The following CSMD3 variants were observed in gnomAD, a reference collection of about 807,000 sequenced individuals.
The protein encoded by CSMD3 is CUB and Sushi multiple domains 3.
A neutral mutation model predicts 435.2 loss-of-function variants in CSMD3; 177 were observed. The observed-to-expected ratio is 0.41, with a 90% CI of 0.36 to 0.46. The LOEUF (loss-of-function observed/expected upper bound fraction) is 0.46. CSMD3 is among the 20% of genes least tolerant of loss of function. The pLI, the probability that CSMD3 is intolerant of heterozygous loss-of-function variation, is 0.34. For missense variants in CSMD3, 4,265 were observed against 4,504.6 expected (o/e 0.95, Z 1.52); for synonymous variants, 1,656 against 1,520.5 (o/e 1.09, Z -2.07).
chr8:113,324,297 C>T (rs555848276), intron 1 of CSMD3, among the ~76,000 whole-genome samples: 1 of 152,302 alleles, frequency 6.6e-6, no homozygotes, highest in South Asian at 2.1e-4. Flanking sequence ...ACGGCAGCCC[C>T]TCCCATTACA....
At chr8:113,313,024 A>G (rs1395294770) in intron 2 of CSMD3, 3 of 152,186 alleles carry the variant, frequency 2.0e-5, no homozygotes, top group Non-Finnish European at 4.4e-5. Context: ...TAACTCAGGC[A>G]TTTTTAAGTG....
chr8:113,153,122 A>AGAAAGG (rs1491549612), intron 4 of CSMD3, among the ~76,000 whole-genome samples: 2 of 103,002 alleles, frequency 1.9e-5, no homozygotes, highest in African/African-American at 4.4e-5. Context: ...AGAAAGAAAG[A>AGAAAGG]AAGAGAAAGA....
chr8:113,262,309 T>C (rs929279723), intron 3 of CSMD3, among the ~76,000 whole-genome samples: 3 of 152,066 alleles, frequency 2.0e-5, no homozygotes, highest in African/African-American at 2.4e-5. Flanking sequence ...GCAAAGTACA[T>C]TATGTTGATT....
chr8:112,705,386 C>T (rs1209964304), intron 13 of CSMD3, among the ~76,000 whole-genome samples: 1 of 152,074 alleles, frequency 6.6e-6, no homozygotes, highest in Non-Finnish European at 1.5e-5. Context: ...GTTAATGCCC[C>T]AGCCCAAACC....
rs746607992 is a variant in CSMD3, at chr8:113,235,182, AT to A, written c.514+43409del. Among the ~76,000 whole-genome samples the A allele has an allele frequency of 8.5e-4, 129 of 152,188 alleles. 1 individual carries two copies. The highest frequency in any genetic ancestry group is 1.4e-3 in the Non-Finnish European group (95 of 67,992). On this transcript the variant is annotated intron_variant, in intron 3 of 70. Transcript: ENST00000297405. ...AGTCATTTAAATTAACACACTAGTA[AT>A]GTTTAGTAGAGATGCATTTAGGCAT...
intron 19 of CSMD3, among the ~76,000 whole-genome samples, chr8:112,647,241 A>C (rs879566079): frequency 6.6e-6 from 1 of 152,158 alleles, no homozygotes; most frequent in African/African-American, 2.4e-5. Flanking sequence ...ATATATAAAA[A>C]AAATTCAAGG....
intron 1 of CSMD3, among the ~76,000 whole-genome samples, chr8:113,339,908 A>C (rs938533600): frequency 6.6e-6 from 1 of 152,010 alleles, no homozygotes; most frequent in African/African-American, 2.4e-5. Flanking sequence ...TTTATCTGCT[A>C]TTAGCATAGA....
intron 1 of CSMD3, among the ~76,000 whole-genome samples, chr8:113,427,494 A>C (rs2094642780): frequency 1.3e-5 from 2 of 150,906 alleles, no homozygotes; most frequent in African/African-American, 4.9e-5. Context: ...TCTAAAAAAA[A>C]AAAAAAGAGG....
intron 38 of CSMD3, among the ~76,000 whole-genome samples, chr8:112,359,303 G>A (rs974450397): frequency 3.9e-5 from 6 of 152,058 alleles, no homozygotes; most frequent in Non-Finnish European, 8.8e-5. Flanking sequence ...ATTTCTCTCT[G>A]ATAGATATTC....
At chr8:112,385,031 T>C (rs1829807210) in intron 36 of CSMD3, among the ~76,000 whole-genome samples, 1 of 152,150 alleles carries the variant, frequency 6.6e-6, no homozygotes, top group Admixed American at 6.5e-5. Flanking sequence ...AACCATAAGC[T>C]AGATTTAGTG....
intron 3 of CSMD3, among the ~76,000 whole-genome samples, chr8:113,235,283 T>C (rs575295680): frequency 2.6e-5 from 4 of 152,242 alleles, no homozygotes; most frequent in African/African-American, 9.6e-5. Context: ...TACCTTCCTG[T>C]ACCTGGTGGA....
intron 5 of CSMD3, among the ~76,000 whole-genome samples, chr8:113,031,223 A>G (rs2087094759): frequency 6.6e-6 from 1 of 151,726 alleles, no homozygotes; most frequent in African/African-American, 2.4e-5. Flanking sequence ...TACTTATAAT[A>G]GCCCAAACTT....
intron 13 of CSMD3, among the ~76,000 whole-genome samples, chr8:112,695,644 T>C (rs1403085480): frequency 6.6e-6 from 1 of 152,168 alleles, no homozygotes; most frequent in Non-Finnish European, 1.5e-5. Context: ...GGGCAAAAAC[T>C]GGAAGTATTC....
At chr8:112,565,468 A>C (rs1828986521) in intron 24 of CSMD3, among the ~76,000 whole-genome samples, 1 of 152,146 alleles carries the variant, frequency 6.6e-6, no homozygotes, top group Non-Finnish European at 1.5e-5. Flanking sequence ...AAAGCATCAC[A>C]AATTAGTTAA....
intron 6 of CSMD3, among the ~76,000 whole-genome samples, chr8:112,990,881 A>C (rs568604495): frequency 6.6e-6 from 1 of 152,004 alleles, no homozygotes; most frequent in South Asian, 2.1e-4. Context: ...TTCCCTTCTG[A>C]AAACCAAATG....
chr8:112,438,479 G>A (rs1814624230), intron 32 of CSMD3, among the ~76,000 whole-genome samples: 1 of 152,174 alleles, frequency 6.6e-6, no homozygotes, highest in Non-Finnish European at 1.5e-5. Flanking sequence ...GCTGACATTA[G>A]TACTAATTTC....
chr8:112,783,699 C>T (rs1563957047), intron 13 of CSMD3, among the ~76,000 whole-genome samples: 2 of 151,834 alleles, frequency 1.3e-5, no homozygotes, highest in African/African-American at 2.4e-5. Flanking sequence ...AGAAGAAACA[C>T]ACTTCACTTA....
chr8:112,445,953 A>G (rs1207010295), intron 32 of CSMD3, among the ~76,000 whole-genome samples: 1 of 152,240 alleles, frequency 6.6e-6, no homozygotes, highest in Non-Finnish European at 1.5e-5. Flanking sequence ...TTTTGTAAAC[A>G]GAGCATATAT....
chr8:112,727,811 G>T (rs894304207), intron 13 of CSMD3, among the ~76,000 whole-genome samples: 4 of 151,590 alleles, frequency 2.6e-5, no homozygotes, highest in African/African-American at 9.7e-5. Context: ...AATACTGTCG[G>T]ATTCTAAATG....
Sources: allele counts gnomAD v4.1 joint callset (sites outside exome capture counted in the v4.1 genomes callset), GRCh38; gene constraint gnomAD v4.1.1; transcripts MANE v1.5; gene names NCBI Gene and HGNC (gene_info 2026-07-23, HGNC 2026-07-21).